Variants in OR3A2 observed in about 807,000 individuals in gnomAD.
OR3A2 encodes olfactory receptor family 3 subfamily A member 2, also known as olfactory receptor 3A2.
For synonymous variants in OR3A2, 126 were observed against 159.3 expected (o/e 0.79, Z 1.57); for missense variants, 318 against 392.8 (o/e 0.81, Z 1.61).
intron 2 of OR3A2, among the ~76,000 whole-genome samples, chr17:3,336,660 A>T (rs929170394): frequency 2.0e-5 from 3 of 152,212 alleles, no homozygotes; most frequent in African/African-American, 7.2e-5. Flanking sequence ...TATCAATTTG[A>T]AGATGTATCC....
chr17:3,367,599 G>GTA (rs201439962), intron 2 of OR3A2, among the ~76,000 whole-genome samples: 8,943 of 85,696 alleles, frequency 0.1, 557 homozygotes, highest in East Asian at 0.45. Flanking sequence ...GTGTGTGTGT[G>GTA]TGTATATATA....
At position 3,334,638 on chromosome 17, in the gene OR3A2, G is replaced by A. The variant is rs567277279; in HGVS notation, c.-85+1395C>T. ...GGTTGACTATAGAATTATTTTTGCT[G>A]ATTGAGTTTTTCTACCATTGGGATT... On this transcript the variant is annotated intron_variant, in intron 3 of 4. Transcript: ENST00000573491. 5.3e-5 allele frequency among the ~76,000 whole-genome samples: 8 copies of A among 152,228 alleles called. No individual in the cohort carries two copies. The South Asian group carries it at 1.7e-3, about 32-fold the overall frequency.
At chr17:3,304,658 T>C (rs546144681) in intron 3 of OR3A2, among the ~76,000 whole-genome samples, 6 of 152,212 alleles carry the variant, frequency 3.9e-5, no homozygotes, top group Admixed American at 2.6e-4. Flanking sequence ...CAAAACTGTT[T>C]ACGAAGAAAA....
intron 1 of OR3A2, among the ~76,000 whole-genome samples, chr17:3,282,746 A>G (rs2048785186): frequency 6.6e-6 from 1 of 152,208 alleles, no homozygotes; most frequent in Non-Finnish European, 1.5e-5. Flanking sequence ...TCAAAGGGTG[A>G]TAGCTCTTTA....
chr17:3,292,277 G>C, intron 3 of OR3A2: 1 of 1,614,178 alleles, frequency 6.2e-7, no homozygotes, highest in Non-Finnish European at 8.5e-7. Context: ...AGAAGAGCTG[G>C]GTAAGGCAGG....
At position 3,347,542 on chromosome 17, in the gene OR3A2, A is replaced by G. The variant is rs1169387122; in HGVS notation, c.-178-11416T>C. On this transcript the variant is annotated intron_variant, in intron 2 of 4. Coordinates refer to the OR3A2 transcript ENST00000573491. ...AGTTTACTGAGAATGATGGTTTCCA[A>G]TTTCATCCATGTCCCTACAAAGGAC... 2.0e-5 allele frequency among the ~76,000 whole-genome samples: 3 copies of G among 152,158 alleles called. No homozygotes were observed. The East Asian group carries it at 5.8e-4, about 29-fold the overall frequency.
chr17:3,326,422 G>A (rs781373519), intron 3 of OR3A2, among the ~76,000 whole-genome samples: 1 of 151,986 alleles, frequency 6.6e-6, no homozygotes, highest in Non-Finnish European at 1.5e-5. Context: ...GGAAGTCAGG[G>A]ACCCCAAATG....
intron 2 of OR3A2, among the ~76,000 whole-genome samples, chr17:3,376,044 T>C (rs922821060): frequency 2.6e-5 from 4 of 152,110 alleles, no homozygotes; most frequent in Admixed American, 1.3e-4. Context: ...TGGTTGTAGT[T>C]TGGTTTAGTG....
chr17:3,357,848 C>T (rs568737290), intron 2 of OR3A2, among the ~76,000 whole-genome samples: 2 of 142,908 alleles, frequency 1.4e-5, no homozygotes, highest in African/African-American at 5.2e-5. Flanking sequence ...GCTGCCACTG[C>T]TGGGAAAAAT....
chr17:3,338,131 T>C (rs1227620158), intron 2 of OR3A2, among the ~76,000 whole-genome samples: 1 of 152,224 alleles, frequency 6.6e-6, no homozygotes, highest in Non-Finnish European at 1.5e-5. Flanking sequence ...AATTTTTTTC[T>C]TGTAACTTTG....
At chr17:3,316,699 T>G (rs2049084631) in intron 3 of OR3A2, among the ~76,000 whole-genome samples, 1 of 152,176 alleles carries the variant, frequency 6.6e-6, no homozygotes, top group African/African-American at 2.4e-5. Flanking sequence ...GATGACAGAT[T>G]CGGTGACTTG....
rs1332693311 is a variant in OR3A2, at chr17:3,347,708, T to C, written c.-178-11582A>G. The stretch of plus-strand genomic sequence containing the variant: ...TGAATAATGCCGCAATAAACATACG[T>C]GTGCATGTGTCTTTATAGAAGCATG... On this transcript the variant is annotated intron_variant, in intron 2 of 4. Transcript: ENST00000573491. Among the ~76,000 whole-genome samples, 4 of 152,306 alleles carry C rather than the reference T, an allele frequency of 2.6e-5. No individual in the cohort carries two copies. The East Asian group carries it at 7.7e-4, about 29-fold the overall frequency.
chr17:3,349,056 G>A (rs926880696), intron 2 of OR3A2, among the ~76,000 whole-genome samples: 5 of 152,010 alleles, frequency 3.3e-5, no homozygotes, highest in East Asian at 3.8e-4. Context: ...AGGAACAACC[G>A]GTACCAGCTG....
rs376179838 is a variant in OR3A2, at chr17:3,335,114, T to C, written c.-85+919A>G. On this transcript the variant is annotated intron_variant, in intron 3 of 4. Transcript: ENST00000573491. ...CTTATCTGTTAAATATGTTTTCATT[T>C]GTCTGTTTGTAAATTGCCTTTATGT... Among the ~76,000 whole-genome samples the C allele has an allele frequency of 2.4e-4, 36 of 152,326 alleles. No individual in the cohort carries two copies. The East Asian group carries it at 4.6e-3, about 20-fold the overall frequency.
chr17:3,329,200 T>G (rs901195791), intron 3 of OR3A2, among the ~76,000 whole-genome samples: 12 of 151,882 alleles, frequency 7.9e-5, no homozygotes, highest in Non-Finnish European at 1.2e-4. Context: ...TGCCCGGCTT[T>G]GGTATCAGAA....
At chr17:3,381,291 A>C (rs1293890684) in intron 2 of OR3A2, among the ~76,000 whole-genome samples, 1 of 150,580 alleles carries the variant, frequency 6.6e-6, no homozygotes, top group Non-Finnish European at 1.5e-5. Flanking sequence ...CATGGAGTTG[A>C]AGGCAGTGAG....
Position 3,282,412 on chromosome 17 carries a change from A to T in OR3A2, c.-7+1946T>A, listed in dbSNP as rs532787290. ...CTCCGTCTGAGATTCTGTCTCAAAA[A>T]AAAGAGTCAAGATAGTCTCTAAAGA... On this transcript the variant is annotated intron_variant, in intron 1 of 1. Coordinates refer to ENST00000642052, the Ensembl canonical transcript of OR3A2. 1.4e-4 allele frequency among the ~76,000 whole-genome samples: 21 copies of T among 152,222 alleles called. No homozygotes were observed. The South Asian group carries it at 2.9e-3, about 21-fold the overall frequency.
intron 2 of OR3A2, among the ~76,000 whole-genome samples, chr17:3,365,200 G>A (rs759092536): frequency 1.3e-5 from 2 of 152,262 alleles, no homozygotes; most frequent in South Asian, 2.1e-4. Context: ...CATAGTTCCC[G>A]ACTGTATCTT....
rs1464350680 is a variant in OR3A2, at chr17:3,359,903, C to G, written c.-178-23777G>C. Among the ~76,000 whole-genome samples the G allele has an allele frequency of 9.2e-5, 14 of 151,752 alleles. 1 individual carries two copies. Among genetic ancestry groups the G allele is most frequent in the Admixed American group, 9.2e-4 (14 of 15,256 alleles). Reference sequence around the variant, plus strand: ...CATATGTGTGCATGTGTCTTTATAGCAGCATGATTTATATTCCTTCAGGTA... The same window carrying G: ...CATATGTGTGCATGTGTCTTTATAGGAGCATGATTTATATTCCTTCAGGTA... On this transcript the variant is annotated intron_variant, in intron 2 of 4. Coordinates refer to the OR3A2 transcript ENST00000573491.
Sources: allele counts gnomAD v4.1 joint callset (sites outside exome capture counted in the v4.1 genomes callset), GRCh38; gene constraint gnomAD v4.1.1; transcripts MANE v1.5; gene names NCBI Gene and HGNC (gene_info 2026-07-23, HGNC 2026-07-21).